PPM1L: variants seen among roughly 807,000 people sequenced by gnomAD.
The protein encoded by PPM1L is protein phosphatase, Mg2+/Mn2+ dependent 1L.
Under a neutral mutation model 31.4 loss-of-function variants are expected in PPM1L, and 13 were observed. The ratio of observed to expected loss-of-function variants is 0.41; its 90% confidence interval spans 0.27 to 0.66. The LOEUF is 0.66. Ranked by LOEUF, PPM1L falls within the 30% of genes least tolerant of loss-of-function variation. The pLI, the probability that PPM1L is intolerant of heterozygous loss-of-function variation, is 0.29. For missense variants in PPM1L, 326 were observed against 453.7 expected (o/e 0.72, Z 2.56); for synonymous variants, 184 against 175.4 (o/e 1.05, Z -0.39).
chr3:160,935,686 A>G (rs1019949984), intron 1 of PPM1L, among the ~76,000 whole-genome samples: 6 of 152,208 alleles, frequency 3.9e-5, no homozygotes, highest in African/African-American at 1.4e-4. Flanking sequence ...TCCTAATTGT[A>G]CCAAATCAAA....
intron 1 of PPM1L, among the ~76,000 whole-genome samples, chr3:160,942,035 T>A (rs1208547247): frequency 2.0e-5 from 3 of 152,196 alleles, no homozygotes; most frequent in Non-Finnish European, 4.4e-5. Context: ...ACTTTATTCA[T>A]TTTCCCTTTC....
At position 160,852,882 on chromosome 3, in the gene PPM1L, G is replaced by T. The variant is rs193071665; in HGVS notation, c.399+96175G>T. 1.5e-4 allele frequency among the ~76,000 whole-genome samples: 23 copies of T among 152,302 alleles called. No homozygotes were observed. The East Asian group carries it at 1.7e-3, about 11-fold the overall frequency. On this transcript the variant is annotated intron_variant, in intron 1 of 3. Transcript: ENST00000498165. ...ACTGAAAACAGATATTCTTTAAGAT[G>T]TTAGTTTCCTGTGGTTGCTGATATA...
chr3:160,811,110 A>G (rs922568631), intron 1 of PPM1L, among the ~76,000 whole-genome samples: 4 of 152,256 alleles, frequency 2.6e-5, no homozygotes, highest in Admixed American at 2.6e-4. Flanking sequence ...CTAAGCTGGA[A>G]TATGCAAAGG....
chr3:161,050,372 A>G (rs770285545), intron 2 of PPM1L, among the ~76,000 whole-genome samples: 1 of 152,192 alleles, frequency 6.6e-6, no homozygotes, highest in Non-Finnish European at 1.5e-5. Flanking sequence ...TGAAAGTAAA[A>G]AGCTCTGAAT....
intron 1 of PPM1L, among the ~76,000 whole-genome samples, chr3:160,828,432 T>C (rs1007437726): frequency 6.6e-6 from 1 of 152,168 alleles, no homozygotes; most frequent in Admixed American, 6.5e-5. Context: ...CCATATTGAA[T>C]GCTTACAATA....
chr3:160,903,864 G>A (rs1713651712), intron 1 of PPM1L, among the ~76,000 whole-genome samples: 1 of 152,068 alleles, frequency 6.6e-6, no homozygotes. Flanking sequence ...ATATAATACT[G>A]TAAATTATAT....
intron 1 of PPM1L, among the ~76,000 whole-genome samples, chr3:160,829,339 A>G (rs963548214): frequency 6.6e-6 from 1 of 152,158 alleles, no homozygotes; most frequent in African/African-American, 2.4e-5. Flanking sequence ...GGATGAAACA[A>G]GGGAGCACAA....
At chr3:161,015,761 T>A (rs901985879) in intron 2 of PPM1L, among the ~76,000 whole-genome samples, 13 of 152,178 alleles carry the variant, frequency 8.5e-5, no homozygotes, top group Admixed American at 7.2e-4. Context: ...ACCTGCTCAG[T>A]GTGTGTGCAG....
intron 1 of PPM1L, among the ~76,000 whole-genome samples, chr3:160,797,408 A>C (rs1252794505): frequency 6.6e-6 from 1 of 152,198 alleles, no homozygotes; most frequent in African/African-American, 2.4e-5. Flanking sequence ...TCCCTGAGAC[A>C]CAACAATATT....
intron 1 of PPM1L, among the ~76,000 whole-genome samples, chr3:160,811,812 T>G (rs552933507): frequency 6.6e-6 from 1 of 152,278 alleles, no homozygotes; most frequent in Admixed American, 6.5e-5. Flanking sequence ...AATAGGATCA[T>G]AGCAAATGAT....
At chr3:161,006,687 T>C (rs1239473549) in intron 2 of PPM1L, among the ~76,000 whole-genome samples, 4 of 147,490 alleles carry the variant, frequency 2.7e-5, no homozygotes, top group Non-Finnish European at 6.0e-5. Flanking sequence ...TTCCTTTTTT[T>C]TTTTTTTTTT....
intron 1 of PPM1L, among the ~76,000 whole-genome samples, chr3:160,799,464 GT>G (rs2108077216): frequency 6.6e-6 from 1 of 152,302 alleles, no homozygotes; most frequent in Non-Finnish European, 1.5e-5. Context: ...CAATAAACTA[GT>G]TTTAATTAAG....
At chr3:161,042,816 C>T (rs924892597) in intron 2 of PPM1L, among the ~76,000 whole-genome samples, 9 of 151,796 alleles carry the variant, frequency 5.9e-5, no homozygotes, top group African/African-American at 1.5e-4. Flanking sequence ...GTCAGGAGTT[C>T]GAGACAAGCC....
At chr3:160,857,335 C>T (rs969573181) in intron 1 of PPM1L, among the ~76,000 whole-genome samples, 23 of 152,242 alleles carry the variant, frequency 1.5e-4, no homozygotes, top group Admixed American at 1.4e-3. Context: ...TACCATTATT[C>T]ATACAAACTA....
At chr3:160,981,264 G>T (rs978080526) in intron 2 of PPM1L, among the ~76,000 whole-genome samples, 8 of 152,166 alleles carry the variant, frequency 5.3e-5, no homozygotes, top group Admixed American at 5.2e-4. Flanking sequence ...ATCTAGGTTG[G>T]TTCTCTCATG....
intron 1 of PPM1L, among the ~76,000 whole-genome samples, chr3:160,909,292 G>A (rs1236853416): frequency 6.6e-6 from 1 of 152,160 alleles, no homozygotes; most frequent in Non-Finnish European, 1.5e-5. Flanking sequence ...AGGAAATGGA[G>A]AACATAGATA....
chr3:160,955,037 A>T lies in PPM1L; in HGVS notation c.400-6699A>T, dbSNP rs894811846. Among the ~76,000 whole-genome samples, 5 of 142,628 alleles carry T rather than the reference A, an allele frequency of 3.5e-5. No homozygotes were observed. In the East Asian group the frequency reaches 1.0e-3, roughly 30 times the overall value. The allele number at this position is 142,628 out of a possible 152,430, so 93.6% of individuals were successfully genotyped here. A position where few individuals can be genotyped will look rare whatever the true frequency, so the allele number is the denominator to read the frequency against. Reference sequence around the variant, plus strand: ...TCTCTCTTTCTTCTTTTTTTGACAGAGTATCACTCTGTCATCAGGCTGGAG... The same window carrying T: ...TCTCTCTTTCTTCTTTTTTTGACAGTGTATCACTCTGTCATCAGGCTGGAG... On this transcript the variant is annotated intron_variant, in intron 1 of 3. Coordinates refer to ENST00000498165, the MANE Select transcript of PPM1L (RefSeq NM_139245.4).
chr3:160,843,466 A>ATATATATATG (rs1713969103), intron 1 of PPM1L, among the ~76,000 whole-genome samples: 1 of 112,014 alleles, frequency 8.9e-6, no homozygotes, highest in Non-Finnish European at 1.9e-5. Context: ...ATATATATAT[A>ATATATATATG]TATGTTTTTT....
At chr3:160,799,695 C>G (rs149268557) in intron 1 of PPM1L, among the ~76,000 whole-genome samples, 8 of 152,166 alleles carry the variant, frequency 5.3e-5, no homozygotes, top group African/African-American at 1.7e-4. Flanking sequence ...TTCATTTTGC[C>G]TGGAACATGT....
Sources: allele counts gnomAD v4.1 joint callset (sites outside exome capture counted in the v4.1 genomes callset), GRCh38; gene constraint gnomAD v4.1.1; transcripts MANE v1.5; gene names NCBI Gene and HGNC (gene_info 2026-07-23, HGNC 2026-07-21).